Variants in CCDC91 observed in about 807,000 individuals in gnomAD.
The protein encoded by CCDC91 is coiled-coil domain containing 91.
Under a neutral mutation model 63.2 loss-of-function variants are expected in CCDC91, and 48 were observed. The ratio of observed to expected loss-of-function variants is 0.76; its 90% CI spans 0.60 to 0.97. The LOEUF is 0.97. Among genes scored for constraint, CCDC91 ranks in the 50% least tolerant of loss-of-function variants. The pLI, the probability that CCDC91 is intolerant of heterozygous loss-of-function variation, is 0.00. For synonymous variants in CCDC91, 167 were observed against 165.8 expected (o/e 1.01, Z -0.06); for missense variants, 500 against 494.6 (o/e 1.01, Z -0.10).
chr12:28,317,247 A>G (rs1431891503), intron 6 of CCDC91, among the ~76,000 whole-genome samples: 2 of 151,986 alleles, frequency 1.3e-5, no homozygotes, highest in Admixed American at 1.3e-4. Context: ...TTTTTAAAAA[A>G]TTTGTTCTGT....
At position 28,366,268 on chromosome 12, in the gene CCDC91, G is replaced by A. The variant is rs956545104; in HGVS notation, c.654+3753G>A. The stretch of plus-strand genomic sequence containing the variant: ...ATGACACCCAAGTAACTACATAGTA[G>A]TGGGTTCCCCGGATTTTCTTTTTAC... On this transcript the variant is annotated intron_variant, in intron 7 of 12. Coordinates refer to ENST00000536442, the MANE Select transcript of CCDC91 (RefSeq NM_018318.5). 6.6e-5 allele frequency among the ~76,000 whole-genome samples: 10 copies of A among 152,280 alleles called. No homozygotes were observed. In the East Asian group the frequency reaches 1.4e-3, roughly 21 times the overall value.
intron 12 of CCDC91, among the ~76,000 whole-genome samples, chr12:28,485,876 A>G (rs896853140): frequency 6.6e-6 from 1 of 152,296 alleles, no homozygotes; most frequent in African/African-American, 2.4e-5. Flanking sequence ...TTTTATATGC[A>G]TACAGGGATT....
At chr12:28,204,486 A>C (rs1219341617) in intron 1 of CCDC91, among the ~76,000 whole-genome samples, 2 of 152,190 alleles carry the variant, frequency 1.3e-5, no homozygotes, top group Non-Finnish European at 2.9e-5. Context: ...CATCATTCAG[A>C]ATGCAAAATT....
intron 7 of CCDC91, among the ~76,000 whole-genome samples, chr12:28,389,862 C>A (rs1172510203): frequency 1.3e-5 from 2 of 152,028 alleles, no homozygotes; most frequent in Non-Finnish European, 2.9e-5. Flanking sequence ...GAAATCCCAA[C>A]AAATGGTATG....
At chr12:28,256,027 A>G (rs1215137651) in intron 1 of CCDC91, 1 of 152,162 alleles carries the variant, frequency 6.6e-6, no homozygotes, top group Non-Finnish European at 1.5e-5. Context: ...GTTTTCCTGT[A>G]ATGAAGTCCA....
chr12:28,251,806 T>A (rs1946136239), intron 1 of CCDC91, among the ~76,000 whole-genome samples: 1 of 152,116 alleles, frequency 6.6e-6, no homozygotes, highest in Non-Finnish European at 1.5e-5. Context: ...TTTGCTCCAA[T>A]CTAGACTGGA....
chr12:28,512,701 C>G (rs1939508166), intron 12 of CCDC91, among the ~76,000 whole-genome samples: 1 of 151,856 alleles, frequency 6.6e-6, no homozygotes, highest in Non-Finnish European at 1.5e-5. Flanking sequence ...CAAAAGTTTG[C>G]CAGCCCCTGG....
chr12:28,493,063 A>G (rs562713960), intron 12 of CCDC91, among the ~76,000 whole-genome samples: 3 of 151,552 alleles, frequency 2.0e-5, no homozygotes, highest in Non-Finnish European at 4.4e-5. Flanking sequence ...ATATAAAAGA[A>G]CCACCATTTA....
chr12:28,268,227 C>G (rs1235964632), intron 3 of CCDC91, among the ~76,000 whole-genome samples: 1 of 151,168 alleles, frequency 6.6e-6, no homozygotes, highest in East Asian at 2.0e-4. Context: ...CCATGCCCAG[C>G]TAATGTTTTG....
chr12:28,511,324 C>T (rs1223389468), intron 12 of CCDC91, among the ~76,000 whole-genome samples: 3 of 151,908 alleles, frequency 2.0e-5, no homozygotes, highest in Non-Finnish European at 4.4e-5. Flanking sequence ...CATTCCCATA[C>T]ATGAAATCTT....
chr12:28,221,348 C>G (rs1943933233), intron 1 of CCDC91, among the ~76,000 whole-genome samples: 1 of 152,062 alleles, frequency 6.6e-6, no homozygotes, highest in Admixed American at 6.5e-5. Context: ...CGCTGATTCT[C>G]TCCATCTCTC....
chr12:28,340,139 A>C (rs1942309613), intron 6 of CCDC91, among the ~76,000 whole-genome samples: 2 of 152,352 alleles, frequency 1.3e-5, no homozygotes, highest in South Asian at 4.1e-4. Flanking sequence ...GAAATTTAAA[A>C]AATGTTTAAC....
chr12:28,377,273 T>A (rs999950563), intron 7 of CCDC91, among the ~76,000 whole-genome samples: 2 of 151,762 alleles, frequency 1.3e-5, no homozygotes, highest in African/African-American at 4.8e-5. Context: ...CCTTGTTTGT[T>A]TTTTTGATGT....
At chr12:28,342,300 C>T (rs1271266600) in intron 6 of CCDC91, among the ~76,000 whole-genome samples, 19 of 152,180 alleles carry the variant, frequency 1.2e-4, no homozygotes, top group Admixed American at 1.2e-3. Context: ...ATGTTGACTT[C>T]TGACTTATAG....
intron 11 of CCDC91, among the ~76,000 whole-genome samples, chr12:28,479,654 A>T (rs1349880948): frequency 2.6e-5 from 4 of 152,120 alleles, no homozygotes; most frequent in South Asian, 2.1e-4. Context: ...TTCTGTTTGT[A>T]TGTTGGGATT....
intron 3 of CCDC91, among the ~76,000 whole-genome samples, chr12:28,267,205 A>G (rs555729589): frequency 2.0e-5 from 3 of 151,764 alleles, no homozygotes; most frequent in Non-Finnish European, 4.4e-5. Flanking sequence ...AACCATCCCA[A>G]TATCTTCCAG....
At chr12:28,547,273 T>C (rs1261735389) in intron 12 of CCDC91, among the ~76,000 whole-genome samples, 1 of 152,122 alleles carries the variant, frequency 6.6e-6, no homozygotes, top group Non-Finnish European at 1.5e-5. Flanking sequence ...TACTTAGATT[T>C]CAATCTGTTT....
intron 12 of CCDC91, among the ~76,000 whole-genome samples, chr12:28,539,000 GA>G (rs1174683909): frequency 2.6e-5 from 4 of 152,076 alleles, no homozygotes; most frequent in Admixed American, 2.6e-4. Context: ...GTAGATGCTG[GA>G]TATTAGCCCT....
intron 1 of CCDC91, among the ~76,000 whole-genome samples, chr12:28,205,946 A>G (rs1484631007): frequency 6.6e-6 from 1 of 152,158 alleles, no homozygotes; most frequent in South Asian, 2.1e-4. Flanking sequence ...TAATGTCACA[A>G]TCATTGTAGT....
Sources: gnomAD v4.1 joint callset for allele counts (sites outside exome capture counted in the v4.1 genomes callset) on GRCh38, gnomAD v4.1.1 for gene constraint, MANE v1.5 for transcripts, NCBI Gene and HGNC (gene_info 2026-07-23, HGNC 2026-07-21) for gene names.